Variants in LINGO1 observed in about 807,000 individuals in gnomAD.
LINGO1 encodes leucine-rich repeat and immunoglobulin-like domain-containing nogo receptor-interacting protein 1.
Under a neutral mutation model 37.3 loss-of-function variants are expected in LINGO1, and 11 were observed. The observed-to-expected ratio is 0.29, with a 90% confidence interval of 0.19 to 0.49. The LOEUF is 0.49. Ranked by LOEUF, LINGO1 falls within the 20% of genes least tolerant of loss-of-function variation. The probability of loss-of-function intolerance (pLI) is 0.99; values close to 1 mark genes in which losing one functional copy is unlikely to be tolerated. For synonymous variants in LINGO1, 387 were observed against 403.0 expected, an observed-to-expected ratio of 0.96 and a Z score of 0.48; for missense variants, 585 against 878.2, an observed-to-expected ratio of 0.67 and a Z score of 4.22.
rs768320587 is a variant in LINGO1 at position 77,813,591 on chromosome 15, T to C, written c.-458+6667A>G. Among the ~76,000 whole-genome samples, 8 of 152,106 alleles carry C rather than the reference T, an allele frequency of 5.3e-5. No individual in the cohort carries two copies. In the East Asian group the frequency reaches 7.7e-4, roughly 15 times the overall value. On this transcript the variant is annotated intron_variant, in intron 1 of 5. Coordinates refer to the LINGO1 transcript ENST00000562933. Reference sequence around the variant, plus strand: ...CTGGTCCTACTCATCTCTGTCCCTATAGCACCCAGAACAGCCAGGCCCAGA... The same window carrying C: ...CTGGTCCTACTCATCTCTGTCCCTACAGCACCCAGAACAGCCAGGCCCAGA...
chr15:77,759,743 G>A (rs1368524657), intron 1 of LINGO1, among the ~76,000 whole-genome samples: 3 of 152,236 alleles, frequency 2.0e-5, no homozygotes, highest in African/African-American at 7.2e-5. Flanking sequence ...ACATGGGGGC[G>A]TCTACCTCTC....
chr15:77,738,352 C>T (rs1237916845), intron 1 of LINGO1, among the ~76,000 whole-genome samples: 3 of 152,156 alleles, frequency 2.0e-5, no homozygotes, highest in Non-Finnish European at 1.5e-5. Context: ...CCAAAGCCTT[C>T]GAGGCCCTGC....
intron 2 of LINGO1, among the ~76,000 whole-genome samples, chr15:77,792,255 G>A (rs1467464151): frequency 6.6e-6 from 1 of 152,176 alleles, no homozygotes; most frequent in Non-Finnish European, 1.5e-5. Context: ...CCATCCTTCA[G>A]CAACGCCTTC....
intron 1 of LINGO1, among the ~76,000 whole-genome samples, chr15:77,759,459 C>A (rs1476600236): frequency 6.6e-6 from 1 of 152,222 alleles, no homozygotes; most frequent in African/African-American, 2.4e-5. Context: ...GCAAGTTTCT[C>A]TCAGTTTCCC....
At chr15:77,663,184 G>A (rs2141175960) in intron 3 of LINGO1, among the ~76,000 whole-genome samples, 1 of 152,298 alleles carries the variant, frequency 6.6e-6, no homozygotes, top group East Asian at 1.9e-4. Context: ...CCCACGCATG[G>A]CCATGCCCTG....
rs187916300 is a variant in LINGO1, at chr15:77,719,076, G to A, written c.-195+15916C>T. 1.3e-3 allele frequency among the ~76,000 whole-genome samples: 190 copies of A among 150,316 alleles called. 12 individuals are homozygous for A. Among genetic ancestry groups the A allele is most frequent in the Middle Eastern group, 6.8e-3 (2 of 292 alleles). ...AATGAGGAGCTTGTCCAGGCAGGGC[G>A]GAGGGTCCAGAGAGAACTGGGGCCT... On this transcript the variant is annotated intron_variant, in intron 2 of 3. Transcript: ENST00000561686.
At chr15:77,736,102 A>G (rs924660273) in intron 1 of LINGO1, among the ~76,000 whole-genome samples, 6 of 152,242 alleles carry the variant, frequency 3.9e-5, no homozygotes, top group Non-Finnish European at 1.5e-5. Context: ...AAACACTCTC[A>G]TTCCCAGTCA....
At chr15:77,711,640 G>A (rs1261289810) in intron 2 of LINGO1, among the ~76,000 whole-genome samples, 3 of 152,190 alleles carry the variant, frequency 2.0e-5, no homozygotes, top group African/African-American at 4.8e-5. Context: ...CACAGGATGC[G>A]TGCATTAAAA....
chr15:77,726,916 A>T (rs948275936), intron 2 of LINGO1, among the ~76,000 whole-genome samples: 2 of 152,264 alleles, frequency 1.3e-5, no homozygotes, highest in Non-Finnish European at 2.9e-5. Context: ...ATCCAATCAA[A>T]AATTGGCAAA....
chr15:77,697,040 G>A (rs180788726), upstream of LINGO1, among the ~76,000 whole-genome samples: 4 of 152,374 alleles, frequency 2.6e-5, no homozygotes, highest in East Asian at 7.7e-4. Context: ...CAGGGCTTGG[G>A]GCCAGGTCAG....
At chr15:77,745,807 C>T (rs1370356358) in intron 1 of LINGO1, among the ~76,000 whole-genome samples, 3 of 152,164 alleles carry the variant, frequency 2.0e-5, no homozygotes, top group Non-Finnish European at 4.4e-5. Context: ...TTGCCATATT[C>T]CGCATGCCTC....
chr15:77,786,123 A>G (rs1409838232), intron 1 of LINGO1, among the ~76,000 whole-genome samples: 2 of 152,140 alleles, frequency 1.3e-5, no homozygotes, highest in Admixed American at 1.3e-4. Context: ...CAGCACCACC[A>G]AACAGTGCCG....
At chr15:77,708,168 G>A (rs1289240568) in intron 2 of LINGO1, among the ~76,000 whole-genome samples, 1 of 152,216 alleles carries the variant, frequency 6.6e-6, no homozygotes, top group Non-Finnish European at 1.5e-5. Context: ...GGTAATTGTT[G>A]GGACCCAGGC....
intron 1 of LINGO1, among the ~76,000 whole-genome samples, chr15:77,773,797 C>T (rs2076609607): frequency 6.6e-6 from 1 of 152,120 alleles, no homozygotes; most frequent in South Asian, 2.1e-4. Context: ...TTCCAAAGCC[C>T]TCAGCCTGGG....
intron 3 of LINGO1, among the ~76,000 whole-genome samples, chr15:77,650,213 G>A (rs1028722624): frequency 6.6e-6 from 1 of 152,148 alleles, no homozygotes; most frequent in African/African-American, 2.4e-5. Context: ...GCCTGTGCAC[G>A]GCATGTACAT....
intron 1 of LINGO1, among the ~76,000 whole-genome samples, chr15:77,751,834 C>T (rs1339532143): frequency 6.6e-6 from 1 of 152,192 alleles, no homozygotes; most frequent in Non-Finnish European, 1.5e-5. Flanking sequence ...TCTAGATGAA[C>T]AAGGCCCGAG....
chr15:77,814,138 A>C (rs2141484092), intron 1 of LINGO1, among the ~76,000 whole-genome samples: 1 of 152,300 alleles, frequency 6.6e-6, no homozygotes, highest in Admixed American at 6.5e-5. Flanking sequence ...CCTATAATGG[A>C]AACAGGGCCA....
intron 2 of LINGO1, among the ~76,000 whole-genome samples, chr15:77,688,028 T>C (rs1431129472): frequency 6.6e-6 from 1 of 152,182 alleles, no homozygotes; most frequent in Non-Finnish European, 1.5e-5. Context: ...GAAACCTCCA[T>C]CCTGGTTCAG....
chr15:77,680,073 G>A (rs1417753607), intron 2 of LINGO1, among the ~76,000 whole-genome samples: 1 of 152,244 alleles, frequency 6.6e-6, no homozygotes, highest in Non-Finnish European at 1.5e-5. Flanking sequence ...AGCGATGCGT[G>A]TCATTGATGA....
Sources: allele counts gnomAD v4.1 joint callset (sites outside exome capture counted in the v4.1 genomes callset), GRCh38; gene constraint gnomAD v4.1.1; transcripts MANE v1.5; gene names NCBI Gene and HGNC (gene_info 2026-07-23, HGNC 2026-07-21).